Variants in PNLIPRP3 observed in about 807,000 individuals in gnomAD.
The protein encoded by PNLIPRP3 is pancreatic lipase-related protein 3.
A neutral mutation model predicts 52.8 loss-of-function variants in PNLIPRP3; 58 were observed. The ratio of observed to expected loss-of-function variants is 1.10; its 90% confidence interval spans 0.89 to 1.37. The LOEUF is 1.37. Ranked by LOEUF, PNLIPRP3 falls within the 40% of genes most tolerant of loss-of-function variation. The pLI is 0.00. For synonymous variants in PNLIPRP3, 192 were observed against 185.0 expected (o/e 1.04, Z -0.31); for missense variants, 593 against 561.6 (o/e 1.06, Z -0.57).
chr10:116,469,481 A>G (rs1846332717), intron 9 of PNLIPRP3, among the ~76,000 whole-genome samples, 164 bp downstream of exon 9: 1 of 152,240 alleles, frequency 6.6e-6, no homozygotes, highest in Non-Finnish European at 1.5e-5. Context: ...GGCTAGTGGG[A>G]AAGACAGCAA....
At chr10:116,458,034 C>A (rs192202253) in intron 5 of PNLIPRP3, among the ~76,000 whole-genome samples, 81 of 152,116 alleles carry the variant, frequency 5.3e-4, no homozygotes, top group African/African-American at 1.9e-3. Context: ...GTATAATTAA[C>A]CACTTAAAAA....
intron 4 of PNLIPRP3, among the ~76,000 whole-genome samples, chr10:116,444,923 G>T (rs1447362042): frequency 6.6e-6 from 1 of 152,118 alleles, no homozygotes; most frequent in Non-Finnish European, 1.5e-5. Flanking sequence ...GAATTAGTTA[G>T]GTCTGTAGGC....
chr10:116,463,100 T>C (rs778053971), intron 7 of PNLIPRP3, among the ~76,000 whole-genome samples: 5 of 152,254 alleles, frequency 3.3e-5, no homozygotes, highest in Non-Finnish European at 7.3e-5. Context: ...AGTCTTTGTT[T>C]AATAAAAATG....
Position 116,427,931 on chromosome 10 carries a change from C to T in PNLIPRP3, c.-82C>T. The stretch of plus-strand genomic sequence containing the variant: ...TTGAGTTGCATCATTGTGAGGAAAA[C>T]CACTTAGTATTTTATAGTGAGGTGA... On this transcript the variant is annotated 5_prime_UTR_variant, in exon 1 of 12. Coordinates refer to ENST00000369230, the MANE Select transcript of PNLIPRP3 (RefSeq NM_001011709.3). 1.0e-5 allele frequency: 11 copies of T among 1,049,800 alleles called. No homozygotes were observed. In the South Asian group the frequency reaches 1.5e-4, roughly 14 times the overall value. The allele number at this position is 1,049,800 out of a possible 1,614,324, so 65.0% of individuals were successfully genotyped here. A position where few individuals can be genotyped will look rare whatever the true frequency, so the allele number is the denominator to read the frequency against.
At position 116,448,690 on chromosome 10, in the gene PNLIPRP3, G is replaced by GTGTTTTGTTTTGTTT. The variant is rs55781366; in HGVS notation, c.456+4204_456+4218dup. ...AGTGAGACCCTGTCTCTATAAAAAG[G>GTGTTTTGTTTTGTTT]TGTTTTGTTTTGTTTTGTTTTGTTT... On this transcript the variant is annotated intron_variant, in intron 4 of 11. Transcript: ENST00000369230. 3.2e-3 allele frequency among the ~76,000 whole-genome samples: 477 copies of GTGTTTTGTTTTGTTT among 147,736 alleles called. 2 individuals are homozygous for GTGTTTTGTTTTGTTT. Among genetic ancestry groups the GTGTTTTGTTTTGTTT allele is most frequent in the African/African-American group, 0.011 (455 of 39,742 alleles).
At chr10:116,475,509 T>C (rs118004744) in intron 10 of PNLIPRP3, among the ~76,000 whole-genome samples, 2,197 of 152,172 alleles carry the variant, frequency 0.014, 24 homozygotes, top group Non-Finnish European at 0.024. Flanking sequence ...GGGCAATGAG[T>C]GAAGATAGTT....
At chr10:116,472,388 A>C (rs1490375937) in intron 10 of PNLIPRP3, among the ~76,000 whole-genome samples, 2 of 152,032 alleles carry the variant, frequency 1.3e-5, no homozygotes, top group African/African-American at 2.4e-5. Flanking sequence ...TTATCTTGAA[A>C]TTTTCTTAAT....
chr10:116,443,663 TAACAC>T (rs1845892523), intron 3 of PNLIPRP3, among the ~76,000 whole-genome samples: 2 of 133,286 alleles, frequency 1.5e-5, no homozygotes, highest in African/African-American at 2.7e-5. Flanking sequence ...TTTATATATA[TAACAC>T]ATATATATAA....
Position 116,428,016 on chromosome 10 carries a change from C to T in PNLIPRP3, c.4C>T (p.Leu2Phe), listed in dbSNP as rs10885929. The T allele has an allele frequency of 0.029, 47,367 of 1,606,910 alleles. 1,139 individuals are homozygous for T. The highest frequency in any genetic ancestry group is 0.13 in the Admixed American group (7,546 of 59,546). The change falls in exon 1 of 12, where the codon CTT (leucine) becomes TTT (phenylalanine). Residue 2 changes from leucine (L) to phenylalanine (F), a missense_variant. By Grantham distance (22) the Leu-to-Phe change is conservative. Coordinates refer to ENST00000369230, the MANE Select transcript of PNLIPRP3 (RefSeq NM_001011709.3). MLGIWIVAFLFF... is the reference protein window; with the variant it reads MFGIWIVAFLFF... Reference sequence around the variant, plus strand: ...GTGATTTAAAAAATCAGCTTAGATGCTTGGAATTTGGATTGTTGCATTCTT... The same window carrying T: ...GTGATTTAAAAAATCAGCTTAGATGTTTGGAATTTGGATTGTTGCATTCTT...
chr10:116,445,738 G>C (rs550067745), intron 4 of PNLIPRP3, among the ~76,000 whole-genome samples: 1 of 152,294 alleles, frequency 6.6e-6, no homozygotes, highest in East Asian at 1.9e-4. Flanking sequence ...GAATTGAATA[G>C]GCAGCCTTGA....
intron 5 of PNLIPRP3, among the ~76,000 whole-genome samples, chr10:116,457,604 G>A (rs1390585089): frequency 6.6e-6 from 1 of 151,918 alleles, no homozygotes; most frequent in Admixed American, 6.6e-5. Context: ...AATAAAAACT[G>A]AACTTTTTCA....
chr10:116,461,314 TG>T (rs768836080), intron 7 of PNLIPRP3, 24 bp downstream of exon 7: 11 of 1,603,652 alleles, frequency 6.9e-6, no homozygotes, highest in Non-Finnish European at 9.4e-6. Context: ...AAACTATGAA[TG>T]CTACTGATGC....
chr10:116,449,234 T>G (rs1846001273), intron 4 of PNLIPRP3, among the ~76,000 whole-genome samples: 1 of 152,146 alleles, frequency 6.6e-6, no homozygotes, highest in Non-Finnish European at 1.5e-5. Flanking sequence ...CAATAAGTCC[T>G]TCTCCATCAA....
At chr10:116,439,310 G>T (rs577647604) in intron 2 of PNLIPRP3, among the ~76,000 whole-genome samples, 3 of 152,252 alleles carry the variant, frequency 2.0e-5, no homozygotes, top group African/African-American at 7.2e-5. Context: ...ACTATTTCTA[G>T]AGCACTTTGA....
Position 116,476,798 on chromosome 10 carries a change from C to T in PNLIPRP3, c.1319C>T (p.Thr440Ile), listed in dbSNP as rs1428375230. The T allele has an allele frequency of 1.2e-6, 2 of 1,600,686 alleles. No individual in the cohort carries two copies. The highest frequency in any genetic ancestry group is 1.3e-5 in the African/African-American group (1 of 74,178). ...TTGGGAGCAGAAATGGTGATAAATA[C>T]ATCTGGGAAATATGGATATAAGTAA... Reference protein sequence around the residue: ...NKLGAEMVINTSGKYGYKSTF... With the variant: ...NKLGAEMVINISGKYGYKSTF... Residue 440 changes from threonine (T) to isoleucine (I), a missense_variant, in exon 11 of 12, where the codon ACA (threonine) becomes ATA (isoleucine). Thr to Ile is a moderately conservative substitution (Grantham distance 89). Coordinates refer to ENST00000369230, the MANE Select transcript of PNLIPRP3 (RefSeq NM_001011709.3).
In PNLIPRP3 at chr10:116,467,844, G is replaced by A. The variant is rs189420204; in HGVS notation, c.928-1341G>A. On this transcript the variant is annotated intron_variant, in intron 8 of 11. Transcript: ENST00000369230. ...AGTTTTTGTTATTAAAAGTAATGTCGGCCGGGCGCGGTGGCTCACGCTTGT... is the reference window on the plus strand; with the variant it reads ...AGTTTTTGTTATTAAAAGTAATGTCAGCCGGGCGCGGTGGCTCACGCTTGT... 1.6e-4 allele frequency among the ~76,000 whole-genome samples: 25 copies of A among 151,892 alleles called. No individual in the cohort carries two copies. The East Asian group carries it at 4.8e-3, about 29-fold the overall frequency.
In PNLIPRP3 at chr10:116,455,755, T is replaced by C. The variant is rs1846103408; in HGVS notation, c.490T>C (p.Leu164=). The C allele has an allele frequency of 6.2e-7, 1 of 1,613,972 alleles. No homozygotes were observed. The highest frequency in any genetic ancestry group is 1.7e-5 in the Admixed American group (1 of 60,012). Residue 164 remains leucine (L), a synonymous_variant, in exon 5 of 12, where the codon TTG becomes CTG. Coordinates refer to ENST00000369230, the MANE Select transcript of PNLIPRP3 (RefSeq NM_001011709.3). Reference sequence around the variant, plus strand: ...TGAATATTCCCCTTCTAAAGTGCACTTGATTGGCCACAGCTTGGGAGCACA... The same window carrying C: ...TGAATATTCCCCTTCTAAAGTGCACCTGATTGGCCACAGCTTGGGAGCACA... ...KFEYSPSKVH[L]IGHSLGAHLA... is the part of the protein sequence containing the mutation.
At chr10:116,442,984 A>G (rs1424085784) in intron 2 of PNLIPRP3, 71 bp from the exon 3 acceptor site, 4 of 1,224,648 alleles carry the variant, frequency 3.3e-6, no homozygotes, top group Non-Finnish European at 4.3e-6. Context: ...GAGCAGCTTT[A>G]GAATAGGTCT....
At chr10:116,467,880 C>T (rs951037277) in intron 8 of PNLIPRP3, among the ~76,000 whole-genome samples, 3 of 151,840 alleles carry the variant, frequency 2.0e-5, no homozygotes, top group African/African-American at 7.3e-5. Context: ...AATCCCAGCA[C>T]TTTGGGAGGC....
Sources: allele counts gnomAD v4.1 joint callset (sites outside exome capture counted in the v4.1 genomes callset), GRCh38; gene constraint gnomAD v4.1.1; transcripts MANE v1.5; gene names NCBI Gene and HGNC (gene_info 2026-07-23, HGNC 2026-07-21).